The following NUP98 variants were observed in gnomAD, a reference collection of about 807,000 sequenced individuals.
NUP98 encodes nuclear pore complex protein Nup98-Nup96.
NUP98 carries 26 observed loss-of-function variants against 191.9 expected under a neutral mutation model. The observed-to-expected ratio is 0.14, with a 90% CI of 0.10 to 0.19. The LOEUF (loss-of-function observed/expected upper bound fraction) is 0.19, where lower values mean the gene tolerates loss of function less well. Among genes scored for constraint, NUP98 ranks in the 10% least tolerant of loss-of-function variants. NUP98 has a pLI of 1.00. For synonymous variants in NUP98, 808 were observed against 778.4 expected (o/e 1.04, Z -0.63); for missense variants, 1,941 against 2,178.8 (o/e 0.89, Z 2.17).
chr11:3,748,402 A>G (rs1328347113), intron 11 of NUP98, among the ~76,000 whole-genome samples: 2 of 152,176 alleles, frequency 1.3e-5, no homozygotes, highest in Non-Finnish European at 1.5e-5. Flanking sequence ...CATTTCTACT[A>G]AAAATACAAA....
At chr11:3,690,895 C>T (rs750004295) in intron 28 of NUP98, among the ~76,000 whole-genome samples, 1 of 152,040 alleles carries the variant, frequency 6.6e-6, no homozygotes, top group Non-Finnish European at 1.5e-5. Context: ...AAAAATCTCA[C>T]AATTATTATG....
intron 14 of NUP98, among the ~76,000 whole-genome samples, chr11:3,728,649 G>A (rs1409938230): frequency 6.6e-6 from 1 of 152,158 alleles, no homozygotes; most frequent in Admixed American, 6.5e-5. Context: ...TGAAGCAGGA[G>A]AGTGGAGTGA....
chr11:3,794,121 T>A (rs965170140), intron 1 of NUP98, among the ~76,000 whole-genome samples: 1 of 152,196 alleles, frequency 6.6e-6, no homozygotes, highest in Non-Finnish European at 1.5e-5. Context: ...GAGGTAGGAA[T>A]GTTGCTAAAT....
chr11:3,685,613 C>A lies in NUP98; in HGVS notation c.4676+360G>T, dbSNP rs139681322. On this transcript the variant is annotated intron_variant, in intron 29 of 32. Transcript: ENST00000324932. ...CTATTGTCCCATCTGGGCATATTCT[C>A]TCATTTCCACTTCATTATTTCCTAT... Among the ~76,000 whole-genome samples the A allele has an allele frequency of 3.3e-5, 5 of 152,314 alleles. No homozygotes were observed. The East Asian group carries it at 9.6e-4, about 29-fold the overall frequency.
chr11:3,772,451 A>G (rs1391884716), intron 6 of NUP98, among the ~76,000 whole-genome samples: 1 of 152,186 alleles, frequency 6.6e-6, no homozygotes, highest in African/African-American at 2.4e-5. Context: ...CTACATAAGC[A>G]ATAAGAATGA....
chr11:3,700,086 T>G (rs1210386355), intron 24 of NUP98, among the ~76,000 whole-genome samples: 1 of 152,126 alleles, frequency 6.6e-6, no homozygotes, highest in Non-Finnish European at 1.5e-5. Flanking sequence ...CCGGGCTCGA[T>G]GGCTCACGCC....
At position 3,782,134 on chromosome 11, in the gene NUP98, T is replaced by C; in HGVS notation, c.-17A>G. The stretch of plus-strand genomic sequence containing the variant: ...GTTAAACATCTTCAAAATGAGTCTT[T>C]GTTTCAGAAAGCTGGGAAAAAGAAA... On this transcript the variant is annotated 5_prime_UTR_variant, in exon 2 of 33. Coordinates refer to ENST00000324932, the MANE Select transcript of NUP98 (RefSeq NM_016320.5). 2 of 1,582,780 alleles carry C rather than the reference T, an allele frequency of 1.3e-6. No homozygotes were observed. The highest frequency in any genetic ancestry group is 2.2e-5 in the East Asian group (1 of 44,604).
At chr11:3,720,256 T>C (rs1042409192) in intron 17 of NUP98, among the ~76,000 whole-genome samples, 6 of 152,308 alleles carry the variant, frequency 3.9e-5, no homozygotes, top group African/African-American at 1.4e-4. Context: ...AATAATAACA[T>C]GAAGTTCATG....
At chr11:3,691,834 G>A (rs2078320796) in intron 27 of NUP98, among the ~76,000 whole-genome samples, 1 of 152,100 alleles carries the variant, frequency 6.6e-6, no homozygotes, top group African/African-American at 2.4e-5. Flanking sequence ...GATTAGAGGT[G>A]TGAATGACCG....
intron 10 of NUP98, among the ~76,000 whole-genome samples, chr11:3,756,926 G>A (rs1401718581): frequency 6.6e-6 from 1 of 151,164 alleles, no homozygotes; most frequent in Non-Finnish European, 1.5e-5. Flanking sequence ...TCTCTATTAA[G>A]AATACAAAAA....
chr11:3,781,987 T>G, intron 2 of NUP98, 55 bp downstream of exon 2: 1 of 1,190,210 alleles, frequency 8.4e-7, no homozygotes, highest in Non-Finnish European at 1.2e-6. Context: ...AGTGGATTTG[T>G]TCTTAGTAAG....
intron 18 of NUP98, among the ~76,000 whole-genome samples, chr11:3,717,502 A>ATGTT (rs1408865930): frequency 1.3e-5 from 2 of 152,220 alleles, no homozygotes; most frequent in Admixed American, 6.5e-5. Context: ...AGTGTATAGC[A>ATGTT]GTGCAACTGA....
At chr11:3,751,155 T>C (rs4910712) in intron 11 of NUP98, among the ~76,000 whole-genome samples, 7,699 of 152,178 alleles carry the variant, frequency 0.051, 256 homozygotes, top group Middle Eastern at 0.099. Flanking sequence ...GGTCAGGGGT[T>C]TGAGACCAGC....
At chr11:3,696,514 A>C (rs1489422561) in intron 25 of NUP98, among the ~76,000 whole-genome samples, 1 of 150,878 alleles carries the variant, frequency 6.6e-6, no homozygotes, top group Non-Finnish European at 1.5e-5. Flanking sequence ...TGCAGGGGGG[A>C]GGGAAAAAAA....
At chr11:3,777,553 G>A (rs980570558) in intron 4 of NUP98, among the ~76,000 whole-genome samples, 5 of 150,516 alleles carry the variant, frequency 3.3e-5, no homozygotes, top group South Asian at 2.1e-4. Flanking sequence ...CTGGGGAGGC[G>A]GAGGTTGCAG....
At position 3,753,755 on chromosome 11, in the gene NUP98, C is replaced by CAAAAAAAAAAA. The variant is rs58867754; in HGVS notation, c.1175-358_1175-348dup. 3.9e-4 allele frequency among the ~76,000 whole-genome samples: 4 copies of CAAAAAAAAAAA among 10,174 alleles called. 2 individuals are homozygous for CAAAAAAAAAAA. Among genetic ancestry groups the CAAAAAAAAAAA allele is most frequent in the African/African-American group, 1.8e-3 (4 of 2,216 alleles). The allele number at this position is 10,174 out of a possible 152,430, so 6.7% of individuals were successfully genotyped here. ...GTGAAACCCCGTCTCTATAAAAATA[C>CAAAAAAAAAAA]AAAAAAAAAAAAAAAAAAAAAAAAA... On this transcript the variant is annotated intron_variant, in intron 10 of 32. Coordinates refer to ENST00000324932, the MANE Select transcript of NUP98 (RefSeq NM_016320.5).
At chr11:3,788,811 G>C (rs1554905508) in intron 1 of NUP98, among the ~76,000 whole-genome samples, 2 of 150,118 alleles carry the variant, frequency 1.3e-5, no homozygotes, top group African/African-American at 2.5e-5. Flanking sequence ...GCCAGTTGTC[G>C]TGACGCATGC....
At chr11:3,732,925 C>T (rs1284984578) in intron 13 of NUP98, among the ~76,000 whole-genome samples, 1 of 152,202 alleles carries the variant, frequency 6.6e-6, no homozygotes, top group Admixed American at 6.5e-5. Flanking sequence ...GACCTAGACT[C>T]GCCAAGCCCT....
chr11:3,768,614 G>C lies in NUP98; in HGVS notation c.915C>G (p.Thr305=), dbSNP rs376607536. Residue 305 remains threonine, a synonymous_variant, in exon 8 of 33, where the codon ACC becomes ACG. Coordinates refer to ENST00000324932, the MANE Select transcript of NUP98 (RefSeq NM_016320.5). ...TGGTGCTTGGCTGTCCTATGGTGCT[G>C]GTATTACCAAAGGAAAAGCCAGTGT... ...TQNTGFSFGN[T]STIGQPSTNT... is the part of the protein sequence containing the mutation. 80 of 1,609,360 alleles carry C rather than the reference G, an allele frequency of 5.0e-5. 1 individual carries two copies. Among genetic ancestry groups the C allele is most frequent in the Non-Finnish European group, 2.9e-5 (34 of 1,177,844 alleles).
Sources: allele counts gnomAD v4.1 joint callset (sites outside exome capture counted in the v4.1 genomes callset), GRCh38; gene constraint gnomAD v4.1.1; transcripts MANE v1.5; gene names NCBI Gene and HGNC (gene_info 2026-07-23, HGNC 2026-07-21).